The following TBC1D5 variants were observed in gnomAD, a reference collection of about 807,000 sequenced individuals.
TBC1D5 encodes the protein TBC1 domain family, member 5.
In TBC1D5, 75 loss-of-function variants were observed where a neutral mutation model predicts 100.3. The observed-to-expected ratio is 0.75, with a 90% CI of 0.62 to 0.91. TBC1D5 has a LOEUF of 0.91. Ranked by LOEUF, TBC1D5 falls within the 40% of genes least tolerant of loss-of-function variation. The probability of loss-of-function intolerance (pLI) is 0.00; values close to 1 mark genes in which losing one functional copy is unlikely to be tolerated. For synonymous variants in TBC1D5, 323 were observed against 325.6 expected, an observed-to-expected ratio of 0.99 and a Z score of 0.09; for missense variants, 910 against 942.4, an observed-to-expected ratio of 0.97 and a Z score of 0.45.
At chr3:17,742,186 A>G (rs542521416), upstream of TBC1D5, among the ~76,000 whole-genome samples, 14 of 151,956 alleles carry the variant, frequency 9.2e-5, no homozygotes, top group Admixed American at 9.2e-4. Context: ...CCTGCCCGCC[A>G]GGGAGCTGAA....
intron 10 of TBC1D5, among the ~76,000 whole-genome samples, chr3:17,375,930 C>T (rs1263764221): frequency 6.6e-6 from 1 of 152,080 alleles, no homozygotes; most frequent in Non-Finnish European, 1.5e-5. Context: ...CCTCCATTTC[C>T]AAAATGATTT....
intron 2 of TBC1D5, among the ~76,000 whole-genome samples, chr3:17,519,770 C>A (rs1393751000): frequency 2.0e-5 from 3 of 152,082 alleles, no homozygotes; most frequent in African/African-American, 7.2e-5. Context: ...TTTAAGAGAA[C>A]CTGTAGTATG....
At chr3:17,254,128 T>C (rs2077418382) in intron 16 of TBC1D5, among the ~76,000 whole-genome samples, 2 of 152,366 alleles carry the variant, frequency 1.3e-5, no homozygotes, top group South Asian at 4.1e-4. Flanking sequence ...ATTGGGTTAT[T>C]TCCAGATTTG....
At chr3:17,454,126 T>C (rs1020416655) in intron 3 of TBC1D5, among the ~76,000 whole-genome samples, 2 of 152,044 alleles carry the variant, frequency 1.3e-5, no homozygotes, top group African/African-American at 2.4e-5. Flanking sequence ...TATCTCAACA[T>C]AATAAAAGCC....
intron 2 of TBC1D5, among the ~76,000 whole-genome samples, chr3:17,532,613 T>TAATC (rs2096241805): frequency 6.6e-6 from 1 of 152,288 alleles, no homozygotes; most frequent in Admixed American, 6.5e-5. Context: ...TAGACTGGAT[T>TAATC]AAGAAAATGT....
At chr3:17,344,921 A>G (rs561349473) in intron 13 of TBC1D5, among the ~76,000 whole-genome samples, 3 of 152,244 alleles carry the variant, frequency 2.0e-5, no homozygotes, top group East Asian at 3.9e-4. Flanking sequence ...TTAATTCAAG[A>G]TGGATTAAAG....
intron 2 of TBC1D5, among the ~76,000 whole-genome samples, chr3:17,532,477 C>T (rs931209328): frequency 6.6e-6 from 1 of 152,160 alleles, no homozygotes; most frequent in Admixed American, 6.5e-5. Context: ...CCAGCCATCC[C>T]ATTACTGGGT....
At position 17,258,593 on chromosome 3, in the gene TBC1D5, TA is replaced by T. The variant is rs546735695; in HGVS notation, c.1246-3del. On this transcript the variant is annotated splice_polypyrimidine_tract_variant and splice_region_variant and intron_variant, in intron 15 of 21. Transcript: ENST00000253692. ...ATAAGTCACTGGTCTTGGATTTCTCTAAAAAAAAATACATTTTTAAAAAGCT... is the reference window on the plus strand; with the variant it reads ...ATAAGTCACTGGTCTTGGATTTCTCTAAAAAAAATACATTTTTAAAAAGCT... The T allele has an allele frequency of 3.0e-4, 475 of 1,570,446 alleles. No homozygotes were observed. The highest frequency in any genetic ancestry group is 8.3e-4 in the East Asian group (36 of 43,336).
intron 15 of TBC1D5, among the ~76,000 whole-genome samples, chr3:17,285,821 T>A (rs2081129322): frequency 6.6e-6 from 1 of 152,170 alleles, no homozygotes; most frequent in African/African-American, 2.4e-5. Flanking sequence ...TTTTTGTAAT[T>A]TAAAAAGACA....
intron 13 of TBC1D5, among the ~76,000 whole-genome samples, chr3:17,355,816 A>G (rs896899083): frequency 6.6e-6 from 1 of 152,092 alleles, no homozygotes; most frequent in Non-Finnish European, 1.5e-5. Flanking sequence ...TGAATGAACA[A>G]TGTGAGAAAT....
At chr3:17,329,779 ATCT>A (rs951043803) in intron 13 of TBC1D5, among the ~76,000 whole-genome samples, 73 of 152,142 alleles carry the variant, frequency 4.8e-4, no homozygotes, top group African/African-American at 1.7e-3. Context: ...TAAAGATGCC[ATCT>A]AAGATCTAAC....
chr3:17,503,090 C>T lies in TBC1D5; in HGVS notation c.97+5384G>A, dbSNP rs1364895013. ...TCTTTGTAAAATGCAAATCTGACCACAAGATCCTTTCACTGAAATACCCAC... is the reference window on the plus strand; with the variant it reads ...TCTTTGTAAAATGCAAATCTGACCATAAGATCCTTTCACTGAAATACCCAC... On this transcript the variant is annotated intron_variant, in intron 3 of 21. Transcript: ENST00000253692. Among the ~76,000 whole-genome samples the T allele has an allele frequency of 1.3e-5, 2 of 149,680 alleles. 1 individual carries two copies. Among genetic ancestry groups the T allele is most frequent in the African/African-American group, 5.1e-5 (2 of 39,472 alleles).
At chr3:17,198,136 AG>A (rs1303386974) in intron 18 of TBC1D5, among the ~76,000 whole-genome samples, 1 of 152,330 alleles carries the variant, frequency 6.6e-6, no homozygotes, top group East Asian at 1.9e-4. Context: ...ATTGCAGAAA[AG>A]TTTTAGTCTA....
At chr3:17,338,233 T>C (rs756183657) in intron 13 of TBC1D5, among the ~76,000 whole-genome samples, 58 of 152,308 alleles carry the variant, frequency 3.8e-4, no homozygotes, top group Admixed American at 5.9e-4. Flanking sequence ...TAACTGAAGA[T>C]GCCAATGAAT....
At chr3:17,289,116 G>T (rs1311152141) in intron 15 of TBC1D5, among the ~76,000 whole-genome samples, 1 of 152,214 alleles carries the variant, frequency 6.6e-6, no homozygotes, top group Non-Finnish European at 1.5e-5. Context: ...CATGGGAGTG[G>T]CTTGCAACAC....
chr3:17,739,722 GGTGTGATCCTGGTGGATCAC>G (rs1454737015), exon 1 of TBC1D5: 1 of 152,212 alleles, frequency 6.6e-6, no homozygotes, highest in East Asian at 1.9e-4. Context: ...GGCGCGGCCT[GGTGTGATCCTGGTGGATCAC>G]GTCTGTAATC....
At chr3:17,457,498 T>C (rs1201620032) in intron 3 of TBC1D5, among the ~76,000 whole-genome samples, 2 of 152,244 alleles carry the variant, frequency 1.3e-5, no homozygotes, top group African/African-American at 4.8e-5. Flanking sequence ...GTTTTACATT[T>C]CTAGGACTTC....
intron 3 of TBC1D5, among the ~76,000 whole-genome samples, chr3:17,485,214 T>C (rs1261695638): frequency 6.6e-6 from 1 of 152,102 alleles, no homozygotes; most frequent in Non-Finnish European, 1.5e-5. Flanking sequence ...CCTCTGTTTA[T>C]ATGCCTGAAA....
chr3:17,490,932 T>G (rs1264616183), intron 3 of TBC1D5, among the ~76,000 whole-genome samples: 1 of 152,258 alleles, frequency 6.6e-6, no homozygotes, highest in Non-Finnish European at 1.5e-5. Context: ...TGTTTCTTCC[T>G]ATCCATGAGC....
Sources: allele counts gnomAD v4.1 joint callset (sites outside exome capture counted in the v4.1 genomes callset), GRCh38; gene constraint gnomAD v4.1.1; transcripts MANE v1.5; gene names NCBI Gene and HGNC (gene_info 2026-07-23, HGNC 2026-07-21).